Variants in PLXDC2 observed in about 807,000 individuals in gnomAD.
PLXDC2 encodes plexin domain-containing protein 2.
Under a neutral mutation model 68.9 loss-of-function variants are expected in PLXDC2, and 40 were observed. That is an observed-to-expected ratio of 0.58 (90% CI 0.45 to 0.76). The LOEUF (loss-of-function observed/expected upper bound fraction) is 0.76, where lower values mean the gene tolerates loss of function less well. PLXDC2 is among the 30% of genes least tolerant of loss of function. The pLI is 0.00. For missense variants in PLXDC2, 644 were observed against 661.9 expected, an observed-to-expected ratio of 0.97 and a Z score of 0.30; for synonymous variants, 243 against 234.2, an observed-to-expected ratio of 1.04 and a Z score of -0.34.
At chr10:19,931,760 C>T (rs1466182304) in intron 1 of PLXDC2, among the ~76,000 whole-genome samples, 1 of 152,166 alleles carries the variant, frequency 6.6e-6, no homozygotes, top group Non-Finnish European at 1.5e-5. Flanking sequence ...GGCAGATCAT[C>T]TGTGCCTCTA....
chr10:20,164,531 G>T lies in PLXDC2; in HGVS notation c.847G>T (p.Ala283Ser). Residue 283 changes from alanine to serine, a missense_variant, in exon 7 of 14, where the codon GCA becomes TCA. This residue lies in a region of PLXDC2 where 330 missense variants were observed against 327.9 expected (regional missense o/e 1.01). Transcript: ENST00000377252. ...NHPVKVGLSDAFVVVHRIQQI... is the reference protein window; with the variant it reads ...NHPVKVGLSDSFVVVHRIQQI... ...TCCAGTGAAAGTCGGACTGTCCGAT[G>T]CATTTGTCGTTGTCCACAGGATCCA... 8 of 1,613,594 alleles carry T rather than the reference G, an allele frequency of 5.0e-6. No homozygotes were observed. Among genetic ancestry groups the T allele is most frequent in the Non-Finnish European group, 6.8e-6 (8 of 1,179,756 alleles).
intron 2 of PLXDC2, among the ~76,000 whole-genome samples, chr10:20,042,088 T>C (rs948906812): frequency 6.6e-6 from 1 of 152,184 alleles, no homozygotes; most frequent in Admixed American, 6.6e-5. Flanking sequence ...CTTTTCCATT[T>C]CATGTTGTGT....
chr10:19,821,980 T>C (rs1836474480), intron 1 of PLXDC2, among the ~76,000 whole-genome samples: 1 of 152,128 alleles, frequency 6.6e-6, no homozygotes. Flanking sequence ...ATGATGCTTG[T>C]TTATTTTCTT....
intron 11 of PLXDC2, among the ~76,000 whole-genome samples, chr10:20,217,790 G>T (rs1022760796): frequency 6.6e-6 from 1 of 151,750 alleles, no homozygotes; most frequent in African/African-American, 2.4e-5. Context: ...TTCTTTTAAT[G>T]CACTGTGCCT....
At chr10:20,249,320 G>A (rs1835640327) in intron 13 of PLXDC2, among the ~76,000 whole-genome samples, 1 of 152,158 alleles carries the variant, frequency 6.6e-6, no homozygotes, top group African/African-American at 2.4e-5. Flanking sequence ...CTGTGTGTTA[G>A]TTTTCTACTG....
At chr10:20,198,772 A>T (rs533386509) in intron 9 of PLXDC2, among the ~76,000 whole-genome samples, 2 of 152,232 alleles carry the variant, frequency 1.3e-5, no homozygotes, top group African/African-American at 4.8e-5. Context: ...ATCCAGCTGT[A>T]AGTTGATTTA....
intron 3 of PLXDC2, among the ~76,000 whole-genome samples, chr10:20,062,293 G>A (rs573263332): frequency 2.3e-4 from 35 of 152,206 alleles, no homozygotes; most frequent in Admixed American, 5.9e-4. Context: ...GTATGGTGGC[G>A]CATGCGTGTA....
intron 4 of PLXDC2, among the ~76,000 whole-genome samples, chr10:20,125,672 A>G (rs1394136437): frequency 1.3e-5 from 2 of 152,164 alleles, no homozygotes; most frequent in Non-Finnish European, 1.5e-5. Context: ...TTTTAAAAGG[A>G]TGTCAGAGTT....
At chr10:20,124,886 G>A (rs530557315) in intron 4 of PLXDC2, among the ~76,000 whole-genome samples, 2 of 152,248 alleles carry the variant, frequency 1.3e-5, no homozygotes, top group African/African-American at 4.8e-5. Context: ...ATGTGTACGT[G>A]CAGGTCACAG....
intron 1 of PLXDC2, among the ~76,000 whole-genome samples, chr10:19,928,607 G>C (rs535786654): frequency 2.6e-5 from 4 of 152,282 alleles, no homozygotes; most frequent in African/African-American, 7.2e-5. Context: ...CAGAGATCCA[G>C]GCCACCCCTT....
intron 6 of PLXDC2, among the ~76,000 whole-genome samples, chr10:20,162,064 GAGAGAGA>G (rs763755268): frequency 6.9e-4 from 36 of 51,860 alleles, no homozygotes; most frequent in East Asian, 5.7e-3. Context: ...GAGAGAGAGA[GAGAGAGA>G]GAAGGAAGGA....
intron 2 of PLXDC2, among the ~76,000 whole-genome samples, chr10:20,038,627 T>G (rs1226184143): frequency 6.6e-6 from 1 of 152,192 alleles, no homozygotes; most frequent in Non-Finnish European, 1.5e-5. Flanking sequence ...TGTCTGGGCT[T>G]GATTTAAGGA....
At chr10:20,088,588 T>C (rs1263651181) in intron 4 of PLXDC2, among the ~76,000 whole-genome samples, 1 of 152,144 alleles carries the variant, frequency 6.6e-6, no homozygotes, top group South Asian at 2.1e-4. Context: ...ACACCACCCA[T>C]AGGAAACTAT....
intron 1 of PLXDC2, among the ~76,000 whole-genome samples, chr10:19,955,364 T>A (rs376839445): frequency 6.6e-6 from 1 of 151,934 alleles, no homozygotes; most frequent in African/African-American, 2.4e-5. Context: ...AACTGAACTA[T>A]GTTCCTAGAA....
chr10:20,055,691 C>T (rs1835986070), intron 3 of PLXDC2, among the ~76,000 whole-genome samples: 1 of 151,996 alleles, frequency 6.6e-6, no homozygotes, highest in Non-Finnish European at 1.5e-5. Context: ...TAGGATTTTC[C>T]TCAAGTTTGA....
intron 2 of PLXDC2, among the ~76,000 whole-genome samples, chr10:20,039,262 CACTT>C (rs1158015526): frequency 6.6e-6 from 1 of 152,118 alleles, no homozygotes; most frequent in Non-Finnish European, 1.5e-5. Context: ...TTCTATAAAA[CACTT>C]ACAGCAAAAA....
At chr10:20,021,297 C>T (rs57812605) in intron 2 of PLXDC2, among the ~76,000 whole-genome samples, 2,662 of 151,860 alleles carry the variant, frequency 0.018, 62 homozygotes, top group African/African-American at 0.058. Context: ...GGGATACATG[C>T]GCAGAATGTG....
At chr10:20,075,231 C>A (rs1199846367) in intron 4 of PLXDC2, among the ~76,000 whole-genome samples, 1 of 152,132 alleles carries the variant, frequency 6.6e-6, no homozygotes, top group Non-Finnish European at 1.5e-5. Context: ...CTCTGTCACC[C>A]AAGCTGGAGT....
intron 1 of PLXDC2, among the ~76,000 whole-genome samples, chr10:19,934,464 T>G (rs1448634726): frequency 2.0e-5 from 3 of 152,202 alleles, no homozygotes; most frequent in African/African-American, 7.2e-5. Flanking sequence ...TGCATAAGGT[T>G]GATAGTTTCA....
Sources: allele counts gnomAD v4.1 joint callset (sites outside exome capture counted in the v4.1 genomes callset), GRCh38; gene constraint gnomAD v4.1.1; regional missense constraint gnomAD v4.1.1; transcripts MANE v1.5; gene names NCBI Gene and HGNC (gene_info 2026-07-23, HGNC 2026-07-21).